Variants in AKAP12 observed in about 807,000 individuals in gnomAD.
The protein encoded by AKAP12 is A-kinase anchor protein 12.
A neutral mutation model predicts 79.9 loss-of-function variants in AKAP12; 32 were observed. The ratio of observed to expected loss-of-function variants is 0.40; its 90% CI spans 0.30 to 0.54. The LOEUF is 0.54. AKAP12 is among the 20% of genes least tolerant of loss of function. The pLI, the probability that AKAP12 is intolerant of heterozygous loss-of-function variation, is 0.48. For missense variants in AKAP12, 2,074 were observed against 2,177.0 expected (o/e 0.95, Z 0.94); for synonymous variants, 808 against 857.0 (o/e 0.94, Z 1.00).
At chr6:151,314,497 C>T (rs564238256) in intron 3 of AKAP12, among the ~76,000 whole-genome samples, 1 of 152,200 alleles carries the variant, frequency 6.6e-6, no homozygotes, top group South Asian at 2.1e-4. Flanking sequence ...TCCTCTCATC[C>T]CCCCATATGT....
chr6:151,354,868 C>T (rs1404857354), intron 4 of AKAP12, among the ~76,000 whole-genome samples: 1 of 151,976 alleles, frequency 6.6e-6, no homozygotes, highest in African/African-American at 2.4e-5. Flanking sequence ...TTTTTGCAGA[C>T]AGGGGTCTTG....
Position 151,352,260 on chromosome 6 carries a change from C to T in AKAP12, c.3869C>T (p.Thr1290Ile), listed in dbSNP as rs959267521. 7 of 1,614,028 alleles carry T rather than the reference C, an allele frequency of 4.3e-6. No individual in the cohort carries two copies. Among genetic ancestry groups the T allele is most frequent in the African/African-American group, 2.7e-5 (2 of 74,902 alleles). Residue 1290 changes from threonine (T) to isoleucine (I), a missense_variant, in exon 4 of 5, where the codon ACA becomes ATA. Thr to Ile is a moderately conservative substitution (Grantham distance 89, BLOSUM62 -1). This residue lies in a region of AKAP12 where 614 missense variants were observed against 665.6 expected (regional missense o/e 0.92). Transcript: ENST00000402676. ...FFEGLEGSID[T>I]GITVSREKVT... is the part of the protein sequence containing the mutation. Reference sequence around the variant, plus strand: ...GAAGGACTTGAGGGGTCTATAGACACAGGCATAACAGTCAGTCGGGAAAAG... The same window carrying T: ...GAAGGACTTGAGGGGTCTATAGACATAGGCATAACAGTCAGTCGGGAAAAG...
At chr6:151,299,105 C>A (rs1776800656) in intron 2 of AKAP12, among the ~76,000 whole-genome samples, 2 of 152,144 alleles carry the variant, frequency 1.3e-5, no homozygotes, top group Admixed American at 1.3e-4. Flanking sequence ...CTGTCAGGAG[C>A]CTGTAGTGGC....
rs773654953 is a variant in AKAP12, at chr6:151,350,644, C to T, written c.2253C>T (p.Thr751=). The change falls in exon 4 of 5, where the codon ACC becomes ACT. Residue 751 remains threonine (T), a synonymous_variant. Coordinates refer to ENST00000402676, the MANE Select transcript of AKAP12 (RefSeq NM_005100.4). The surrounding 1 kb of genome is among the most constrained non-coding windows in gnomAD (Gnocchi z 4.8). ...CCCCGGAGCAAGCTGGAAGCCCTAC[C>T]GAAGGGGAGGGCGTTTCCACCTGGG... is the stretch of plus-strand genomic sequence containing the variant. The part of the protein sequence containing the change: ...SSSPEQAGSP[T]EGEGVSTWES... 1.3e-5 allele frequency: 21 copies of T among 1,613,896 alleles called. No homozygotes were observed. The highest frequency in any genetic ancestry group is 5.5e-5 in the South Asian group (5 of 91,068).
intron 3 of AKAP12, chr6:151,325,522 C>T (rs1441184778): frequency 6.1e-6 from 6 of 985,180 alleles, no homozygotes; most frequent in Admixed American, 6.2e-5. Context: ...AGCACGTGAC[C>T]CCCTGCTTGT....
Position 151,240,533 on chromosome 6 carries a change from G to T in AKAP12, c.-30G>T. ...CGGCTTGGGGAAGGCGTAACCCGGC[G>T]GCTAGGCGCGGGAGAAGTGCGGAGG... On this transcript the variant is annotated 5_prime_UTR_variant, in exon 2 of 5. Transcript: ENST00000402676. 1.4e-6 allele frequency: 2 copies of T among 1,415,924 alleles called. No homozygotes were observed. The highest frequency in any genetic ancestry group is 1.8e-6 in the Non-Finnish European group (2 of 1,091,234). The allele number at this position is 1,415,924 out of a possible 1,614,324, so 87.7% of individuals were successfully genotyped here.
At chr6:151,289,034 TGCTTTCTCCTGAG>T (rs1776562857) in intron 2 of AKAP12, among the ~76,000 whole-genome samples, 2 of 152,258 alleles carry the variant, frequency 1.3e-5, no homozygotes, top group African/African-American at 2.4e-5. Flanking sequence ...CTACTGCAAG[TGCTTTCTCCTGAG>T]GCTTGTATTT....
chr6:151,263,000 C>G (rs1440521592), intron 2 of AKAP12, among the ~76,000 whole-genome samples: 1 of 112,384 alleles, frequency 8.9e-6, no homozygotes, highest in African/African-American at 2.6e-5. Flanking sequence ...AGTTGATTAG[C>G]TGAAGTTAAG....
intron 3 of AKAP12, among the ~76,000 whole-genome samples, chr6:151,315,760 A>G (rs1777219810): frequency 6.6e-6 from 1 of 152,196 alleles, no homozygotes; most frequent in Non-Finnish European, 1.5e-5. Context: ...TAAAGGAAAG[A>G]GGTTTAATTG....
chr6:151,327,574 A>G (rs994104257), intron 3 of AKAP12, among the ~76,000 whole-genome samples: 1 of 152,156 alleles, frequency 6.6e-6, no homozygotes, highest in Non-Finnish European at 1.5e-5. Flanking sequence ...TCACTATTCA[A>G]TTAGTCGCAT....
In AKAP12 at chr6:151,325,913, C is replaced by A. The variant is rs1162531498; in HGVS notation, c.319+20010C>A. 8 of 1,614,062 alleles carry A rather than the reference C, an allele frequency of 5.0e-6. No homozygotes were observed. In the Admixed American group the frequency reaches 1.3e-4, roughly 27 times the overall value. On this transcript the variant is annotated intron_variant, in intron 3 of 4. Coordinates refer to ENST00000402676, the MANE Select transcript of AKAP12 (RefSeq NM_005100.4). Reference sequence around the variant, plus strand: ...AAGGCACAAGCCAGGTCGCTTTTGTCCTCCCTGGACGGCAGGCACGGGGCA... The same window carrying A: ...AAGGCACAAGCCAGGTCGCTTTTGTACTCCCTGGACGGCAGGCACGGGGCA...
intron 2 of AKAP12, among the ~76,000 whole-genome samples, chr6:151,249,513 C>T (rs532717741): frequency 1.3e-5 from 2 of 152,236 alleles, no homozygotes; most frequent in Admixed American, 6.5e-5. Flanking sequence ...CTTCTGTACT[C>T]CAGGAACTGT....
chr6:151,329,432 A>G (rs1282590633), intron 3 of AKAP12, among the ~76,000 whole-genome samples: 1 of 152,220 alleles, frequency 6.6e-6, no homozygotes, highest in Non-Finnish European at 1.5e-5. Context: ...TTAAGCAAGT[A>G]TCTTTTCGCT....
intron 3 of AKAP12, among the ~76,000 whole-genome samples, chr6:151,336,552 A>G (rs887398616): frequency 6.6e-6 from 1 of 152,104 alleles, no homozygotes; most frequent in Admixed American, 6.6e-5. Flanking sequence ...CAAGACCAAC[A>G]TGGCCAACAT....
rs1298670032 is a variant in AKAP12 at position 151,349,597 on chromosome 6, A to T, written c.1206A>T (p.Glu402Asp). 1 of 1,611,206 alleles carries T rather than the reference A, an allele frequency of 6.2e-7. No individual in the cohort carries two copies. Among genetic ancestry groups the T allele is most frequent in the Non-Finnish European group, 8.5e-7 (1 of 1,179,176 alleles). ...SEEKPAPLAT[E>D]VFDEKIEVHQ... ...AGAAACCTGCTCCGTTGGCGACAGA[A>T]GTGTTTGATGAGAAAATAGAAGTCC... The change falls in exon 4 of 5, where the codon GAA becomes GAT. Residue 402 changes from glutamate to aspartate, a missense_variant. Around this residue, in one of 3 missense-constraint regions of AKAP12, gnomAD observed 1,428 missense variants for 1,451.0 expected, o/e 0.98. Transcript: ENST00000402676.
chr6:151,261,736 T>TATTTATTTATTTATTC lies in AKAP12; in HGVS notation c.162+21027_162+21028insCATTTATTTATTTATT, dbSNP rs1797442582. Among the ~76,000 whole-genome samples, 5 of 24,864 alleles carry TATTTATTTATTTATTC rather than the reference T, an allele frequency of 2.0e-4. No homozygotes were observed. In the East Asian group the frequency reaches 5.9e-3, roughly 29 times the overall value. The allele number at this position is 24,864 out of a possible 152,430, so 16.3% of individuals were successfully genotyped here. A position where few individuals can be genotyped will look rare whatever the true frequency, so the allele number is the denominator to read the frequency against. ...AGAACAACAGTGGTTTTTATTATTT[T>TATTTATTTATTTATTC]ATTTATTTATTTATTTATTTATTTA... On this transcript the variant is annotated intron_variant, in intron 2 of 4. Transcript: ENST00000402676.
At chr6:151,260,600 C>G (rs554847057) in intron 2 of AKAP12, among the ~76,000 whole-genome samples, 1 of 152,312 alleles carries the variant, frequency 6.6e-6, no homozygotes, top group South Asian at 2.1e-4. Flanking sequence ...CTCACTTCTC[C>G]CAGCCCGTCA....
intron 2 of AKAP12, 62 bp downstream of exon 2, chr6:151,240,786 T>G (rs1010832343): frequency 0.015 from 3,555 of 240,718 alleles, 1 homozygote; most frequent in Middle Eastern, 0.024. Flanking sequence ...GGGGTGGGGG[T>G]GGGGGGGTCC....
At chr6:151,348,680 T>TCCTCCCC in intron 3 of AKAP12, 31 bp from the exon 4 acceptor site, 1 of 355,202 alleles carries the variant, frequency 2.8e-6, no homozygotes, top group Non-Finnish European at 5.5e-6. Flanking sequence ...TTTTCTCTTC[T>TCCTCCCC]CCCCACCCCC....
Sources: gnomAD v4.1 joint callset for allele counts (sites outside exome capture counted in the v4.1 genomes callset) on GRCh38, gnomAD v4.1.1 for gene constraint, gnomAD v4.1.1 regional missense constraint, Gnocchi (gnomAD v3.1) non-coding constraint, MANE v1.5 for transcripts, NCBI Gene and HGNC (gene_info 2026-07-23, HGNC 2026-07-21) for gene names.